DHX8: variants seen among roughly 807,000 people sequenced by gnomAD.
DHX8 encodes the protein ATP-dependent RNA helicase DHX8.
In DHX8, 67 loss-of-function variants were observed where a neutral mutation model predicts 140.7. The observed-to-expected ratio is 0.48, with a 90% confidence interval of 0.39 to 0.58. The LOEUF (loss-of-function observed/expected upper bound fraction) is 0.58. Among genes scored for constraint, DHX8 ranks in the 20% least tolerant of loss-of-function variants. DHX8 has a pLI of 0.00. For missense variants in DHX8, 887 were observed against 1,550.7 expected, an observed-to-expected ratio of 0.57 and a Z score of 7.19; for synonymous variants, 533 against 553.2, an observed-to-expected ratio of 0.96 and a Z score of 0.51.
rs1034801500 is a variant in DHX8, at chr17:43,513,560, CTT to C, written c.2643+63_2643+64del. The C allele has an allele frequency of 6.3e-5, 99 of 1,566,324 alleles. No individual in the cohort carries two copies. In the African/African-American group the frequency reaches 1.2e-3, roughly 20 times the overall value. ...AATCCTGATTAGGGCCTTTCTGAAA[CTT>C]TTTTATGGTTATATATTTCAAACTT... On this transcript the variant is annotated intron_variant, in intron 17 of 22. Transcript: ENST00000262415.
At chr17:43,502,634 A>G (rs1396658320) in intron 11 of DHX8, among the ~76,000 whole-genome samples, 1 of 152,194 alleles carries the variant, frequency 6.6e-6, no homozygotes, top group Admixed American at 6.5e-5. Flanking sequence ...CATGTTGGTC[A>G]GGCTGGTCTC....
chr17:43,529,377 C>T, downstream of DHX8: 2 of 1,420,770 alleles, frequency 1.4e-6, no homozygotes, highest in South Asian at 2.5e-5. Context: ...CAGACTTAGG[C>T]TTGGCAAGAA....
chr17:43,500,739 C>T (rs1178562546), intron 11 of DHX8, among the ~76,000 whole-genome samples: 2 of 151,706 alleles, frequency 1.3e-5, no homozygotes, highest in African/African-American at 4.8e-5. Flanking sequence ...GGTGAAACCC[C>T]GTCTTTACTA....
At chr17:43,490,758 C>T (rs1968470982) in intron 3 of DHX8, among the ~76,000 whole-genome samples, 1 of 152,086 alleles carries the variant, frequency 6.6e-6, no homozygotes, top group South Asian at 2.1e-4. Context: ...TCCGTAGTTC[C>T]AGCTACTTGG....
At chr17:43,526,699 A>G, downstream of DHX8, 1 of 1,486,708 alleles carries the variant, frequency 6.7e-7, no homozygotes. Context: ...TCGTGTGTGT[A>G]CTCGGCCTTC....
At chr17:43,526,340 G>A (rs533731453), downstream of DHX8, 1 of 1,436,262 alleles carries the variant, frequency 7.0e-7, no homozygotes, top group Non-Finnish European at 9.1e-7. Context: ...CTCAGGAGTT[G>A]CCTGCCTCTG....
Position 43,520,145 on chromosome 17 carries a change from G to C in DHX8, c.2815G>C (p.Asp939His). ...TCTGTTCTAGGCCATGGGTATCAAT[G>C]ATCTGCTGTCCTTTGATTTCATGGA... ...VLSLKAMGIN[D>H]LLSFDFMDAP... The change falls in exon 19 of 23, where the codon GAT becomes CAT. Residue 939 changes from aspartate to histidine, a missense_variant. By Grantham distance (81) the Asp-to-His change is moderately conservative. This residue lies in a region of DHX8 where 151 missense variants were observed against 388.3 expected (regional missense o/e 0.39). Coordinates refer to ENST00000262415, the MANE Select transcript of DHX8 (RefSeq NM_004941.3). 1 of 1,614,128 alleles carries C rather than the reference G, an allele frequency of 6.2e-7. No homozygotes were observed. Among genetic ancestry groups the C allele is most frequent in the Non-Finnish European group, 8.5e-7 (1 of 1,180,030 alleles).
chr17:43,516,640 A>C (rs1970126531), intron 17 of DHX8, among the ~76,000 whole-genome samples: 4 of 151,950 alleles, frequency 2.6e-5, no homozygotes, highest in Admixed American at 2.6e-4. Context: ...GTAGAGATGA[A>C]GTTTCAACAT....
Position 43,525,377 on chromosome 17 carries a change from C to G in DHX8, c.*1530C>G, listed in dbSNP as rs1970577396. ...TTGTCACTGGGCAGCAAACCACACC[C>G]TAAAGACAATTCAGAAAGAGTCCGA... is the stretch of plus-strand genomic sequence containing the variant. On this transcript the variant is annotated 3_prime_UTR_variant, in exon 23 of 23. Coordinates refer to ENST00000262415, the MANE Select transcript of DHX8 (RefSeq NM_004941.3). 2.0e-6 allele frequency: 2 copies of G among 981,528 alleles called. No homozygotes were observed. Among genetic ancestry groups the G allele is most frequent in the South Asian group, 4.7e-5 (1 of 21,208 alleles). The allele number at this position is 981,528 out of a possible 1,614,324, so 60.8% of individuals were successfully genotyped here. A position where few individuals can be genotyped will look rare whatever the true frequency, so the allele number is the denominator to read the frequency against.
intron 3 of DHX8, among the ~76,000 whole-genome samples, chr17:43,541,600 T>A (rs1333006666): frequency 1.3e-5 from 2 of 151,480 alleles, no homozygotes; most frequent in Admixed American, 6.6e-5. Context: ...AACTGAGAGG[T>A]TAAAACAGAG....
At chr17:43,507,388 C>A in intron 13 of DHX8, 115 bp from the exon 14 acceptor site, 1 of 1,139,054 alleles carries the variant, frequency 8.8e-7, no homozygotes, top group Non-Finnish European at 1.2e-6. Flanking sequence ...AATTACTGTA[C>A]ATCTTGATCA....
chr17:43,533,156 C>A, intron 2 of DHX8: 2 of 1,609,750 alleles, frequency 1.2e-6, no homozygotes, highest in African/African-American at 1.3e-5. Context: ...ACACCTGGGC[C>A]CATGAGCAGT....
Position 43,507,100 on chromosome 17 carries a change from C to T in DHX8, c.1826C>T (p.Ser609Phe). 2 of 1,614,036 alleles carry T rather than the reference C, an allele frequency of 1.2e-6. No homozygotes were observed. The highest frequency in any genetic ancestry group is 1.7e-6 in the Non-Finnish European group (2 of 1,180,022). ...TACCTGGCGGAGGCAGGCTACACTT[C>T]CAGGGGCAAGATTGGGTGTACCCAG... ...TQYLAEAGYT[S>F]RGKIGCTQPR... Residue 609 changes from serine (S) to phenylalanine (F), a missense_variant, in exon 13 of 23, where the codon TCC (serine) becomes TTC (phenylalanine). By Grantham distance (155) the Ser-to-Phe change is radical. This residue lies in a region of DHX8 where 178 missense variants were observed against 398.5 expected (regional missense o/e 0.45). Transcript: ENST00000262415.
intron 1 of DHX8, among the ~76,000 whole-genome samples, chr17:43,485,971 C>T (rs2154586235): frequency 6.6e-6 from 1 of 152,164 alleles, no homozygotes; most frequent in Middle Eastern, 3.4e-3. Flanking sequence ...CCAAGACAGG[C>T]CGATCCCCTG....
rs115075208 is a variant in DHX8 at position 43,503,744 on chromosome 17, G to A, written c.1547-900G>A. On this transcript the variant is annotated intron_variant, in intron 11 of 22. Transcript: ENST00000262415. ...GTATGAAGTATCCAGAATAGAACCC[G>A]TAGACATAGAAAGTAGACTAATGGT... Among the ~76,000 whole-genome samples the A allele has an allele frequency of 3.3e-3, 495 of 152,202 alleles. 4 individuals are homozygous for A. Among genetic ancestry groups the A allele is most frequent in the African/African-American group, 0.011 (455 of 41,520 alleles).
chr17:43,520,588 A>G (rs1970326662), intron 19 of DHX8, among the ~76,000 whole-genome samples, 163 bp from the exon 20 acceptor site: 1 of 152,242 alleles, frequency 6.6e-6, no homozygotes, highest in Non-Finnish European at 1.5e-5. Context: ...TATTTGGGAA[A>G]AGAATAAACA....
chr17:43,522,188 C>T lies in DHX8; in HGVS notation c.3405C>T (p.Ile1135=), dbSNP rs1970407786. ...RTLIDQQVVY[I]HPSSALFNRQ... ...TGATCGACCAGCAGGTGGTCTATAT[C>T]CATCCTTCCAGTGCCCTCTTCAACA... The change falls in exon 22 of 23, where the codon ATC becomes ATT. Residue 1135 remains isoleucine (I), a synonymous_variant. Transcript: ENST00000262415. 1.2e-6 allele frequency: 2 copies of T among 1,613,970 alleles called. No individual in the cohort carries two copies. Among genetic ancestry groups the T allele is most frequent in the Non-Finnish European group, 1.7e-6 (2 of 1,179,936 alleles).
rs1970501559 is a variant in DHX8, at chr17:43,523,690, A to G, written c.3506A>G (p.Asp1169Gly). The change falls in exon 23 of 23, where the codon GAC becomes GGC. Residue 1169 changes from aspartate (D) to glycine (G), a missense_variant. Asp to Gly is a moderately conservative substitution (Grantham distance 94). Coordinates refer to ENST00000262415, the MANE Select transcript of DHX8 (RefSeq NM_004941.3). ...KEYMREVTTI[D>G]PRWLVEFAPA... ...TACATGCGTGAAGTTACCACCATCG[A>G]CCCTCGGTGGCTTGTGGAGTTTGCC... is the stretch of plus-strand genomic sequence containing the variant. 6.2e-7 allele frequency: 1 copy of G among 1,613,992 alleles called. No individual in the cohort carries two copies. The highest frequency in any genetic ancestry group is 1.3e-5 in the African/African-American group (1 of 74,976).
downstream of DHX8, chr17:43,529,424 C>T (rs1380012398): frequency 1.6e-5 from 24 of 1,513,278 alleles, no homozygotes; most frequent in Admixed American, 5.8e-5. Context: ...GATGGAGGCA[C>T]GTGCCACCAT....
Sources: allele counts gnomAD v4.1 joint callset (sites outside exome capture counted in the v4.1 genomes callset), GRCh38; gene constraint gnomAD v4.1.1; regional missense constraint gnomAD v4.1.1; transcripts MANE v1.5; gene names NCBI Gene and HGNC (gene_info 2026-07-23, HGNC 2026-07-21).